Variants in MAP4K4 observed in about 807,000 individuals in gnomAD.
The protein encoded by MAP4K4 is HPK/GCK-like kinase HGK.
MAP4K4 carries 38 observed loss-of-function variants against 189.6 expected under a neutral mutation model. That is an observed-to-expected ratio of 0.20 (90% CI 0.15 to 0.26). The LOEUF (loss-of-function observed/expected upper bound fraction) is 0.26. Among genes scored for constraint, MAP4K4 ranks in the 10% least tolerant of loss-of-function variants. The pLI, the probability that MAP4K4 is intolerant of heterozygous loss-of-function variation, is 1.00. For synonymous variants in MAP4K4, 610 were observed against 624.3 expected (o/e 0.98, Z 0.34); for missense variants, 1,054 against 1,726.9 (o/e 0.61, Z 6.91).
intron 2 of MAP4K4, among the ~76,000 whole-genome samples, chr2:101,727,629 C>T (rs1003080307): frequency 2.6e-5 from 4 of 152,194 alleles, no homozygotes; most frequent in Non-Finnish European, 5.9e-5. Flanking sequence ...GCAATTGCCT[C>T]TTTATTTGGC....
intron 29 of MAP4K4, among the ~76,000 whole-genome samples, chr2:101,886,124 T>TC (rs2098477027): frequency 6.6e-6 from 1 of 152,204 alleles, no homozygotes; most frequent in African/African-American, 2.4e-5. Context: ...AAAAAATAAA[T>TC]CCAAGTGTTA....
chr2:101,716,078 G>T (rs927452699), intron 2 of MAP4K4, among the ~76,000 whole-genome samples: 4 of 152,136 alleles, frequency 2.6e-5, no homozygotes, highest in South Asian at 4.2e-4. Context: ...CATGAAACTG[G>T]TCCCTGTGCC....
intron 7 of MAP4K4, among the ~76,000 whole-genome samples, chr2:101,832,518 G>A (rs2096620854): frequency 6.6e-6 from 1 of 152,132 alleles, no homozygotes; most frequent in African/African-American, 2.4e-5. Flanking sequence ...TCCAATTAAT[G>A]AGACTTAATT....
chr2:101,797,841 T>C (rs2093887513), intron 3 of MAP4K4, among the ~76,000 whole-genome samples: 1 of 149,818 alleles, frequency 6.7e-6, no homozygotes, highest in Admixed American at 6.7e-5. Context: ...CAACCTTCCG[T>C]TTTTTTGACT....
chr2:101,746,183 T>C (rs1161643715), intron 2 of MAP4K4, among the ~76,000 whole-genome samples: 1 of 152,076 alleles, frequency 6.6e-6, no homozygotes, highest in African/African-American at 2.4e-5. Context: ...AGACACGCTC[T>C]TGTTGTGTTG....
intron 2 of MAP4K4, among the ~76,000 whole-genome samples, chr2:101,750,551 C>T (rs1259718775): frequency 6.7e-6 from 1 of 149,444 alleles, no homozygotes; most frequent in African/African-American, 2.5e-5. Context: ...GGGAGATATA[C>T]CTAATGCTAG....
chr2:101,877,232 C>T lies in MAP4K4; in HGVS notation c.3385+86C>T, dbSNP rs899578309. The T allele has an allele frequency of 7.5e-6, 10 of 1,327,412 alleles. No individual in the cohort carries two copies. In the East Asian group the frequency reaches 1.2e-4, roughly 15 times the overall value. The allele number at this position is 1,327,412 out of a possible 1,614,324, so 82.2% of individuals were successfully genotyped here. A position where few individuals can be genotyped will look rare whatever the true frequency, so the allele number is the denominator to read the frequency against. ...CACACTAAACTTCAGTTAGCTCATT[C>T]ACTGATGTACTGGCTAAATAAGGTA... On this transcript the variant is annotated intron_variant, in intron 27 of 32. Transcript: ENST00000324219.
intron 3 of MAP4K4, among the ~76,000 whole-genome samples, chr2:101,818,505 A>G (rs1259887611): frequency 6.6e-6 from 1 of 152,198 alleles, no homozygotes; most frequent in African/African-American, 2.4e-5. Context: ...GCTTATCTGA[A>G]GTCTGCCCAT....
chr2:101,805,382 T>G (rs1025423527), intron 3 of MAP4K4, among the ~76,000 whole-genome samples: 1 of 152,234 alleles, frequency 6.6e-6, no homozygotes, highest in Non-Finnish European at 1.5e-5. Context: ...TGTGTCTGGC[T>G]TCTTTCAGTT....
At chr2:101,779,046 A>C (rs929177195) in intron 2 of MAP4K4, among the ~76,000 whole-genome samples, 1 of 152,088 alleles carries the variant, frequency 6.6e-6, no homozygotes, top group African/African-American at 2.4e-5. Flanking sequence ...GACTTGCTGT[A>C]TTATGTATTA....
intron 2 of MAP4K4, among the ~76,000 whole-genome samples, chr2:101,720,550 A>G (rs1348312305): frequency 1.3e-5 from 2 of 151,972 alleles, no homozygotes; most frequent in Non-Finnish European, 2.9e-5. Context: ...TGGCTAAAAG[A>G]TCTGTCAGCA....
At chr2:101,829,656 C>T in intron 6 of MAP4K4, 62 bp downstream of exon 6, 1 of 1,129,422 alleles carries the variant, frequency 8.9e-7, no homozygotes, top group Non-Finnish European at 1.3e-6. Context: ...GCTGCACTCC[C>T]AGTTCTGCTT....
intron 12 of MAP4K4, among the ~76,000 whole-genome samples, chr2:101,854,804 A>G (rs1239020334): frequency 6.6e-6 from 1 of 152,164 alleles, no homozygotes; most frequent in Admixed American, 6.5e-5. Context: ...TTGTGTTAAT[A>G]TTATTGGCTC....
At chr2:101,712,737 A>G (rs1447446194) in intron 2 of MAP4K4, among the ~76,000 whole-genome samples, 1 of 150,702 alleles carries the variant, frequency 6.6e-6, no homozygotes, top group Non-Finnish European at 1.5e-5. Flanking sequence ...CTCAGGTGAT[A>G]CACCCATCTC....
intron 2 of MAP4K4, among the ~76,000 whole-genome samples, chr2:101,729,079 AGAGAGAG>A (rs2057093462): frequency 9.2e-6 from 1 of 108,390 alleles, no homozygotes; most frequent in Non-Finnish European, 2.0e-5. Flanking sequence ...TAGAGAGAGG[AGAGAGAG>A]AGAGAGAGAG....
chr2:101,781,618 A>G (rs1366286383), intron 2 of MAP4K4, among the ~76,000 whole-genome samples: 1 of 152,124 alleles, frequency 6.6e-6, no homozygotes, highest in Non-Finnish European at 1.5e-5. Flanking sequence ...CTCTTAGACT[A>G]ACCTTTTTAC....
chr2:101,698,093 TC>T lies in MAP4K4; in HGVS notation c.17del (p.Pro6LeufsTer65). ...GCAAAAAGGGAAAATGGCGAACGAC[TC>T]CCCTGCAAAAAGTCTGGTGGACATC... On this transcript the variant is annotated frameshift_variant, in exon 1 of 33. Coordinates refer to ENST00000324219, the Ensembl canonical transcript of MAP4K4. LOFTEE classifies it high-confidence loss of function. The T allele has an allele frequency of 7.6e-7, 1 of 1,322,350 alleles. No individual in the cohort carries two copies. Among genetic ancestry groups the T allele is most frequent in the Non-Finnish European group, 1.0e-6 (1 of 1,002,348 alleles). 81.9% of individuals were successfully genotyped at this position (1,322,350 alleles called of 1,614,324 possible). A position where few individuals can be genotyped will look rare whatever the true frequency, so the allele number is the denominator to read the frequency against.
chr2:101,744,372 G>A (rs886312213), intron 2 of MAP4K4, among the ~76,000 whole-genome samples: 2 of 152,198 alleles, frequency 1.3e-5, no homozygotes, highest in African/African-American at 4.8e-5. Flanking sequence ...GCACATCTCA[G>A]TTGAGACCCA....
At chr2:101,778,765 T>C (rs1305003961) in intron 2 of MAP4K4, among the ~76,000 whole-genome samples, 1 of 152,154 alleles carries the variant, frequency 6.6e-6, no homozygotes, top group Non-Finnish European at 1.5e-5. Context: ...GACCTTCACC[T>C]ACAGGCTGCT....
Sources: allele counts gnomAD v4.1 joint callset (sites outside exome capture counted in the v4.1 genomes callset), GRCh38; gene constraint gnomAD v4.1.1; transcripts MANE v1.5; gene names NCBI Gene and HGNC (gene_info 2026-07-23, HGNC 2026-07-21).